The following MICAL3 variants were observed in gnomAD, a reference collection of about 807,000 sequenced individuals.
MICAL3 encodes [F-actin]-monooxygenase MICAL3.
In MICAL3, 62 loss-of-function variants were observed where a neutral mutation model predicts 207.4. That is an observed-to-expected ratio of 0.30 (90% CI 0.24 to 0.37). The LOEUF is 0.37. Among genes scored for constraint, MICAL3 ranks in the 10% least tolerant of loss-of-function variants. The pLI is 1.00. For missense variants in MICAL3, 2,368 were observed against 2,635.6 expected, an observed-to-expected ratio of 0.90 and a Z score of 2.22; for synonymous variants, 1,077 against 1,069.3, an observed-to-expected ratio of 1.01 and a Z score of -0.14.
chr22:17,940,680 G>GGCA (rs1933767150), intron 1 of MICAL3, among the ~76,000 whole-genome samples: 1 of 152,066 alleles, frequency 6.6e-6, no homozygotes, highest in South Asian at 2.1e-4. Context: ...CAAAAGCAAT[G>GGCA]GCAGCCAGAG....
intron 16 of MICAL3, among the ~76,000 whole-genome samples, chr22:17,878,379 G>A (rs1208857983): frequency 1.3e-5 from 2 of 152,122 alleles, no homozygotes; most frequent in African/African-American, 4.8e-5. Flanking sequence ...ATGGAAAGGG[G>A]GTGGGAAAGA....
chr22:17,865,009 G>A (rs771688014), intron 18 of MICAL3, 23 bp from the exon 19 acceptor site: 1 of 1,590,092 alleles, frequency 6.3e-7, no homozygotes, highest in South Asian at 1.1e-5. Context: ...ATGAGAAAAA[G>A]AAGAGTGACT....
At chr22:17,816,564 G>A (rs1921019067) in intron 27 of MICAL3, 126 bp downstream of exon 27, 1 of 755,118 alleles carries the variant, frequency 1.3e-6, no homozygotes, top group Non-Finnish European at 2.2e-6. Context: ...GCAGTCAGCT[G>A]GCTATGCGCC....
chr22:17,977,325 A>C (rs779552703), intron 1 of MICAL3, among the ~76,000 whole-genome samples: 2 of 152,178 alleles, frequency 1.3e-5, no homozygotes, highest in Non-Finnish European at 2.9e-5. Context: ...AGACATAAAG[A>C]ACTCTTACAA....
rs536611862 is a variant in MICAL3 at position 17,996,299 on chromosome 22, C to A, written c.-75+27982G>T. 3.7e-3 allele frequency among the ~76,000 whole-genome samples: 556 copies of A among 151,966 alleles called. 1 individual carries two copies. Among genetic ancestry groups the A allele is most frequent in the Non-Finnish European group, 6.0e-3 (406 of 67,982 alleles). The stretch of plus-strand genomic sequence containing the variant: ...CTAAAAAAAAAATACAGAAAATTAG[C>A]CGGGCATGGTGGCAGGTGCCTGTAG... On this transcript the variant is annotated intron_variant, in intron 1 of 31. Transcript: ENST00000441493.
In MICAL3 at chr22:17,817,324, G is replaced by C; in HGVS notation, c.5337C>G (p.Pro1779=). Residue 1779 remains proline (P), a synonymous_variant, in exon 26 of 32, where the codon CCC becomes CCG. Transcript: ENST00000441493. ...CTGCTGACGCACCTGCCCTTACGAC[G>C]GGAAGCACCCTGTGCTTTCCAGAGT... The part of the protein sequence containing the change: ...TVDSGKHRVL[P]VVRAELQLRR... The C allele has an allele frequency of 6.2e-7, 1 of 1,601,136 alleles. No homozygotes were observed. The highest frequency in any genetic ancestry group is 8.5e-7 in the Non-Finnish European group (1 of 1,174,284).
chr22:17,986,434 C>T (rs1265359052), intron 1 of MICAL3, among the ~76,000 whole-genome samples: 2 of 152,008 alleles, frequency 1.3e-5, no homozygotes, highest in Non-Finnish European at 2.9e-5. Context: ...GCAGAAGAAT[C>T]GCTTAAACCC....
At chr22:17,846,064 A>G (rs565429705) in intron 19 of MICAL3, among the ~76,000 whole-genome samples, 42 of 152,258 alleles carry the variant, frequency 2.8e-4, no homozygotes, top group Non-Finnish European at 5.6e-4. Context: ...AACCAGAAGC[A>G]CTGGGAACTG....
In MICAL3 at chr22:17,849,844, G is replaced by A. The variant is rs768257500; in HGVS notation, c.2606-7827C>T. Among the ~76,000 whole-genome samples, 34 of 151,340 alleles carry A rather than the reference G, an allele frequency of 2.2e-4. 1 individual carries two copies. The highest frequency in any genetic ancestry group is 7.9e-4 in the Admixed American group (12 of 15,170). ...CAAGTAGCTGGGATTACAGGTGTGCGCCATCAGGCTGGATAATTTTTATAT... is the reference window on the plus strand; with the variant it reads ...CAAGTAGCTGGGATTACAGGTGTGCACCATCAGGCTGGATAATTTTTATAT... On this transcript the variant is annotated intron_variant, in intron 19 of 31. Transcript: ENST00000441493.
At chr22:17,889,253 CAT>C (rs758289226) in intron 12 of MICAL3, 23 bp from the exon 13 acceptor site, 86 of 1,576,570 alleles carry the variant, frequency 5.5e-5, no homozygotes, top group Non-Finnish European at 7.3e-5. Context: ...ACAAGGAAAA[CAT>C]ATCAAGATAG....
At chr22:17,810,892 C>T in intron 27 of MICAL3, 79 bp from the exon 28 acceptor site, 2 of 1,081,208 alleles carry the variant, frequency 1.8e-6, no homozygotes, top group East Asian at 2.4e-5. Flanking sequence ...CAACAGGGGC[C>T]TGGAGAGGTC....
chr22:17,932,362 A>C (rs1479893466), intron 1 of MICAL3, among the ~76,000 whole-genome samples: 1 of 152,226 alleles, frequency 6.6e-6, no homozygotes, highest in Non-Finnish European at 1.5e-5. Context: ...CCAGAATTTC[A>C]TATCTAGCCA....
At chr22:17,832,502 A>C (rs1344103490) in intron 20 of MICAL3, among the ~76,000 whole-genome samples, 1 of 152,160 alleles carries the variant, frequency 6.6e-6, no homozygotes. Flanking sequence ...GCTCAAACTC[A>C]AGCCACAGCC....
chr22:17,887,202 C>T lies in MICAL3; in HGVS notation c.2035G>A (p.Gly679Arg), dbSNP rs1182932518. 6.2e-6 allele frequency: 10 copies of T among 1,613,600 alleles called. No individual in the cohort carries two copies. Among genetic ancestry groups the T allele is most frequent in the Non-Finnish European group, 6.8e-6 (8 of 1,179,808 alleles). Residue 679 changes from glycine (G) to arginine (R), a missense_variant, in exon 15 of 32, where the codon GGG (glycine) becomes AGG (arginine). Physicochemically the swap from Gly to Arg is moderately radical, Grantham distance 125. Transcript: ENST00000441493. ...GATTGACTGGTCTTTCTCCTCTTCCCAGCACCATCCAAGTCCTTTTCCTTT... is the reference window on the plus strand; with the variant it reads ...GATTGACTGGTCTTTCTCCTCTTCCTAGCACCATCCAAGTCCTTTTCCTTT... The part of the protein sequence containing the change: ...DKKEKDLDGA[G>R]KRRKTSQSEE...
chr22:17,857,260 G>A (rs924447920), intron 19 of MICAL3, among the ~76,000 whole-genome samples: 5 of 152,146 alleles, frequency 3.3e-5, no homozygotes, highest in Non-Finnish European at 5.9e-5. Context: ...CCTGAGCTCC[G>A]CCTCCTGTCA....
At chr22:17,819,370 G>A (rs1423573331) in intron 25 of MICAL3, among the ~76,000 whole-genome samples, 1 of 152,136 alleles carries the variant, frequency 6.6e-6, no homozygotes, top group Non-Finnish European at 1.5e-5. Context: ...TTCAGGATTT[G>A]GTTCATCTCA....
chr22:17,833,184 C>T (rs55789529), intron 20 of MICAL3, among the ~76,000 whole-genome samples: 11 of 152,366 alleles, frequency 7.2e-5, no homozygotes, highest in African/African-American at 1.4e-4. Flanking sequence ...GGAACAAAAC[C>T]GGGTTCCTTG....
intron 16 of MICAL3, among the ~76,000 whole-genome samples, chr22:17,883,165 A>G (rs1929586442): frequency 6.6e-6 from 1 of 152,200 alleles, no homozygotes; most frequent in South Asian, 2.1e-4. Flanking sequence ...CCACCTAGAC[A>G]TCAAGGCAAA....
intron 1 of MICAL3, among the ~76,000 whole-genome samples, chr22:17,956,782 A>C (rs970241949): frequency 6.6e-5 from 10 of 152,230 alleles, no homozygotes; most frequent in Non-Finnish European, 1.2e-4. Context: ...GTGGACTCAC[A>C]TGAAGCAGAA....
Sources: gnomAD v4.1 joint callset for allele counts (sites outside exome capture counted in the v4.1 genomes callset) on GRCh38, gnomAD v4.1.1 for gene constraint, MANE v1.5 for transcripts, NCBI Gene and HGNC (gene_info 2026-07-23, HGNC 2026-07-21) for gene names.